The following ZNF385D variants were observed in gnomAD, a reference collection of about 807,000 sequenced individuals.
ZNF385D encodes zinc finger protein 659.
ZNF385D carries 15 observed loss-of-function variants against 35.8 expected under a neutral mutation model. The ratio of observed to expected loss-of-function variants is 0.42; its 90% CI spans 0.28 to 0.64. The LOEUF is 0.64. Among genes scored for constraint, ZNF385D ranks in the 30% least tolerant of loss-of-function variants. ZNF385D has a pLI of 0.23. For missense variants in ZNF385D, 474 were observed against 494.6 expected (o/e 0.96, Z 0.39); for synonymous variants, 212 against 186.8 (o/e 1.13, Z -1.10).
chr3:22,015,264 G>A (rs534232297), intron 3 of ZNF385D, among the ~76,000 whole-genome samples: 1 of 152,098 alleles, frequency 6.6e-6, no homozygotes, highest in South Asian at 2.1e-4. Flanking sequence ...GCCTTAATTA[G>A]CATATAAATA....
At chr3:22,015,305 C>T (rs1050073179) in intron 3 of ZNF385D, among the ~76,000 whole-genome samples, 4 of 152,098 alleles carry the variant, frequency 2.6e-5, no homozygotes, top group African/African-American at 4.8e-5. Context: ...TGCAAACATG[C>T]GCATTGCACT....
chr3:21,871,881 C>T (rs1203135466), intron 3 of ZNF385D, among the ~76,000 whole-genome samples: 2 of 151,940 alleles, frequency 1.3e-5, no homozygotes, highest in African/African-American at 4.8e-5. Context: ...CCTGTAATCC[C>T]AGCTACTCAG....
chr3:21,621,076 T>C (rs191259198), intron 2 of ZNF385D, among the ~76,000 whole-genome samples: 94 of 152,208 alleles, frequency 6.2e-4, no homozygotes, highest in African/African-American at 2.2e-3. Context: ...GTCTTTACAT[T>C]GTAAAAATCT....
chr3:21,848,405 T>C (rs1467055435), intron 3 of ZNF385D, among the ~76,000 whole-genome samples: 2 of 151,182 alleles, frequency 1.3e-5, no homozygotes. Flanking sequence ...ATAATAAAGA[T>C]TAGAAGAATA....
chr3:22,284,133 GAATC>G (rs769342562), intron 2 of ZNF385D, among the ~76,000 whole-genome samples: 1 of 152,052 alleles, frequency 6.6e-6, no homozygotes, highest in Non-Finnish European at 1.5e-5. Context: ...CAATAAAAAG[GAATC>G]AATCTTTAAA....
intron 3 of ZNF385D, among the ~76,000 whole-genome samples, chr3:22,106,414 C>T (rs1049885487): frequency 1.6e-4 from 24 of 152,136 alleles, no homozygotes; most frequent in Non-Finnish European, 7.4e-5. Context: ...AAAAATCTTA[C>T]ATTTTCCAAT....
intron 4 of ZNF385D, among the ~76,000 whole-genome samples, chr3:21,492,123 C>T (rs75103720): frequency 6.6e-6 from 1 of 151,928 alleles, no homozygotes; most frequent in Non-Finnish European, 1.5e-5. Context: ...TTTTATTTTT[C>T]TTTTTGCAAT....
chr3:21,550,812 T>C (rs868185409), intron 3 of ZNF385D, among the ~76,000 whole-genome samples: 6 of 152,136 alleles, frequency 3.9e-5, no homozygotes, highest in Non-Finnish European at 2.9e-5. Context: ...TTAGAAAATA[T>C]ATCTCAATAT....
intron 4 of ZNF385D, among the ~76,000 whole-genome samples, chr3:21,468,636 G>A (rs993051105): frequency 1.3e-5 from 2 of 151,926 alleles, no homozygotes; most frequent in African/African-American, 2.4e-5. Flanking sequence ...AAAAGAATAC[G>A]TAGTATGGGC....
At chr3:22,264,990 A>C (rs963606970) in intron 2 of ZNF385D, among the ~76,000 whole-genome samples, 2 of 151,526 alleles carry the variant, frequency 1.3e-5, no homozygotes, top group Non-Finnish European at 2.9e-5. Context: ...TCTTCCTTCT[A>C]CTCCAGAATC....
intron 3 of ZNF385D, among the ~76,000 whole-genome samples, chr3:21,948,866 T>C (rs1236352906): frequency 6.6e-6 from 1 of 152,196 alleles, no homozygotes; most frequent in East Asian, 1.9e-4. Flanking sequence ...AAAAATCTTG[T>C]GTAAGATTTT....
chr3:21,931,072 G>C (rs1037867528), intron 3 of ZNF385D, among the ~76,000 whole-genome samples: 1 of 151,976 alleles, frequency 6.6e-6, no homozygotes, highest in African/African-American at 2.4e-5. Context: ...TGAAGGACTA[G>C]TACCCAGAAT....
At chr3:21,478,128 A>C (rs554395884) in intron 4 of ZNF385D, among the ~76,000 whole-genome samples, 2 of 152,166 alleles carry the variant, frequency 1.3e-5, no homozygotes, top group African/African-American at 2.4e-5. Flanking sequence ...CCATGAAAGA[A>C]AAGAGTATGA....
intron 5 of ZNF385D, among the ~76,000 whole-genome samples, chr3:21,435,255 ATT>A (rs3064965): frequency 1.7e-4 from 19 of 113,398 alleles, no homozygotes; most frequent in Middle Eastern, 5.1e-3. Context: ...ACAACTCCCA[ATT>A]TTTTTTTTTT....
At chr3:22,356,925 T>C (rs1445102901) in intron 2 of ZNF385D, among the ~76,000 whole-genome samples, 2 of 151,914 alleles carry the variant, frequency 1.3e-5, no homozygotes, top group Non-Finnish European at 2.9e-5. Flanking sequence ...TACTATTAAG[T>C]GAGTAAAACA....
intron 3 of ZNF385D, among the ~76,000 whole-genome samples, chr3:22,031,555 C>T (rs539475550): frequency 1.3e-5 from 2 of 152,270 alleles, no homozygotes; most frequent in African/African-American, 4.8e-5. Context: ...ATGCAGGGCA[C>T]CAAGTCCTGA....
intron 1 of ZNF385D, among the ~76,000 whole-genome samples, chr3:21,681,137 G>C (rs188357430): frequency 6.6e-6 from 1 of 151,882 alleles, no homozygotes; most frequent in Non-Finnish European, 1.5e-5. Context: ...AAGGAACTCA[G>C]AGTCTCCTAT....
intron 1 of ZNF385D, among the ~76,000 whole-genome samples, chr3:21,704,363 C>G (rs577890052): frequency 6.6e-6 from 1 of 151,976 alleles, no homozygotes; most frequent in Non-Finnish European, 1.5e-5. Flanking sequence ...CTGTGTAAAC[C>G]CCCTCAGAGT....
At chr3:21,829,247 T>C (rs1375769049) in intron 3 of ZNF385D, among the ~76,000 whole-genome samples, 1 of 151,904 alleles carries the variant, frequency 6.6e-6, no homozygotes. Context: ...GGAGAGTGAG[T>C]AATTGGGTAT....
Sources: gnomAD v4.1 joint callset for allele counts (sites outside exome capture counted in the v4.1 genomes callset) on GRCh38, gnomAD v4.1.1 for gene constraint, MANE v1.5 for transcripts, NCBI Gene and HGNC (gene_info 2026-07-23, HGNC 2026-07-21) for gene names.